Variants in CACNA1A observed in about 807,000 individuals in gnomAD.
The protein encoded by CACNA1A is voltage-dependent P/Q-type calcium channel subunit alpha-1A.
A neutral mutation model predicts 262.4 loss-of-function variants in CACNA1A; 57 were observed. The observed-to-expected ratio is 0.22, with a 90% CI of 0.18 to 0.27. CACNA1A has a LOEUF of 0.27. Ranked by LOEUF, CACNA1A falls within the 10% of genes least tolerant of loss-of-function variation. The pLI is 1.00. For synonymous variants in CACNA1A, 1,431 were observed against 1,419.3 expected (o/e 1.01, Z -0.18); for missense variants, 2,526 against 3,562.8 (o/e 0.71, Z 7.41).
At chr19:13,278,108 T>C (rs1372812537) in intron 22 of CACNA1A, among the ~76,000 whole-genome samples, 4 of 141,866 alleles carry the variant, frequency 2.8e-5, no homozygotes, top group Admixed American at 1.4e-4. Context: ...AAAAATCAGA[T>C]CCACCCAGAA....
rs1054911489 is a variant in CACNA1A, at chr19:13,403,108, C to T, written c.540-31329G>A. Among the ~76,000 whole-genome samples, 23 of 151,630 alleles carry T rather than the reference C, an allele frequency of 1.5e-4. No individual in the cohort carries two copies. The South Asian group carries it at 2.1e-3, about 14-fold the overall frequency. On this transcript the variant is annotated intron_variant, in intron 3 of 46. Coordinates refer to ENST00000360228, the MANE Select transcript of CACNA1A (RefSeq NM_001127222.2). ...ACAGCACTCCCAAATTCCCTTTACC[C>T]GACTTTACTGATTTTCCCACCTGCG...
In CACNA1A at chr19:13,259,655, G is replaced by T. The variant is rs1275025158; in HGVS notation, c.4297C>A (p.Arg1433=). The change falls in exon 27 of 47, where the codon CGG becomes AGG. Residue 1433 remains arginine (R), a synonymous_variant. Coordinates refer to ENST00000360228, the MANE Select transcript of CACNA1A (RefSeq NM_001127222.2). ...TGGAATTCATACTTCTTCCACTCCCGGTCTCGCGCCTTCACCTCATTCTTC... is the reference window on the plus strand; with the variant it reads ...TGGAATTCATACTTCTTCCACTCCCTGTCTCGCGCCTTCACCTCATTCTTC... ...YEKNEVKARD[R]EWKKYEFHYD... is the part of the protein sequence containing the mutation. 1.2e-6 allele frequency: 2 copies of T among 1,610,504 alleles called. No individual in the cohort carries two copies. Among genetic ancestry groups the T allele is most frequent in the African/African-American group, 2.7e-5 (2 of 74,828 alleles).
intron 1 of CACNA1A, among the ~76,000 whole-genome samples, chr19:13,463,689 G>A (rs1163410254): frequency 6.6e-6 from 1 of 152,192 alleles, no homozygotes; most frequent in Non-Finnish European, 1.5e-5. Flanking sequence ...AAAATCAAAT[G>A]AAGAGAAAAT....
intron 3 of CACNA1A, among the ~76,000 whole-genome samples, chr19:13,435,755 G>C (rs1001936325): frequency 6.6e-6 from 1 of 152,112 alleles, no homozygotes; most frequent in African/African-American, 2.4e-5. Context: ...CTGACTGCAG[G>C]GTCCAGCTCC....
At chr19:13,228,887 G>A (rs938607368) in intron 36 of CACNA1A, 18 of 630,816 alleles carry the variant, frequency 2.9e-5, no homozygotes, top group Non-Finnish European at 4.7e-5. Flanking sequence ...AGGCTGGGGT[G>A]TCCCTGGCTT....
At position 13,214,785 on chromosome 19, in the gene CACNA1A, A is replaced by C. The variant is rs2054937685; in HGVS notation, c.5732-177T>G. The C allele has an allele frequency of 1.7e-6, 1 of 599,182 alleles. No individual in the cohort carries two copies. The highest frequency in any genetic ancestry group is 2.8e-5 in the East Asian group (1 of 35,956). 37.1% of individuals were successfully genotyped at this position (599,182 alleles called of 1,614,324 possible). A position where few individuals can be genotyped will look rare whatever the true frequency, so the allele number is the denominator to read the frequency against. ...GGCCCTGGGCAGTGCTGCTGGAATGACCTTGTGGGCTCTGGTTTTCGGTGG... is the reference window on the plus strand; with the variant it reads ...GGCCCTGGGCAGTGCTGCTGGAATGCCCTTGTGGGCTCTGGTTTTCGGTGG... On this transcript the variant is annotated intron_variant, in intron 38 of 46. Transcript: ENST00000360228. The surrounding 1 kb of genome is among the most constrained non-coding windows in gnomAD (Gnocchi z 4.1).
intron 30 of CACNA1A, among the ~76,000 whole-genome samples, chr19:13,251,415 G>C (rs989118387): frequency 3.3e-5 from 5 of 152,084 alleles, no homozygotes; most frequent in African/African-American, 1.2e-4. Flanking sequence ...CCCAGGGGGT[G>C]GAGCTTTCAG....
At chr19:13,477,591 T>G (rs745324703) in intron 1 of CACNA1A, among the ~76,000 whole-genome samples, 1 of 152,134 alleles carries the variant, frequency 6.6e-6, no homozygotes, top group Non-Finnish European at 1.5e-5. Context: ...ACAGCGATCG[T>G]TCCTTATTAT....
Position 13,298,747 on chromosome 19 carries a change from G to A in CACNA1A, c.2886C>T (p.Arg962=), listed in dbSNP as rs1443085599. ...CCTCCGGACCCTCCTCCCCGGGCCTGCGGTGCGCGCGATGACGTCGATGCT... is the reference window on the plus strand; with the variant it reads ...CCTCCGGACCCTCCTCCCCGGGCCTACGGTGCGCGCGATGACGTCGATGCT... ...DGEHRRHRAH[R]RPGEEGPEDK... The change falls in exon 19 of 47, where the codon CGC becomes CGT. Residue 962 remains arginine, a synonymous_variant. Transcript: ENST00000360228. 4 of 1,509,286 alleles carry A rather than the reference G, an allele frequency of 2.7e-6. No homozygotes were observed. The highest frequency in any genetic ancestry group is 2.1e-5 in the Admixed American group (1 of 47,244). The allele number at this position is 1,509,286 out of a possible 1,614,324, so 93.5% of individuals were successfully genotyped here. A position where few individuals can be genotyped will look rare whatever the true frequency, so the allele number is the denominator to read the frequency against.
In CACNA1A at chr19:13,227,368, A is replaced by AG. The variant is rs2055495729; in HGVS notation, c.5625+62dup. On this transcript the variant is annotated intron_variant, in intron 37 of 46. Coordinates refer to ENST00000360228, the MANE Select transcript of CACNA1A (RefSeq NM_001127222.2). ...TGTTTCTGGTCAGCACTAAAAAAAA[A>AG]GAAGAAGAAGAAGAAAAAAAAACCC... 4.5e-4 allele frequency: 29 copies of AG among 64,830 alleles called. No homozygotes were observed. In the South Asian group the frequency reaches 8.0e-3, roughly 18 times the overall value. 4.0% of individuals were successfully genotyped at this position (64,830 alleles called of 1,614,324 possible).
intron 28 of CACNA1A, chr19:13,256,383 G>C (rs2144744104): frequency 6.6e-6 from 1 of 152,326 alleles, no homozygotes; most frequent in Admixed American, 6.5e-5. Flanking sequence ...TAAGTCTTAA[G>C]GGTCAAGGGA....
intron 19 of CACNA1A, among the ~76,000 whole-genome samples, chr19:13,291,108 AC>A (rs2057526272): frequency 6.6e-6 from 1 of 151,854 alleles, no homozygotes; most frequent in Non-Finnish European, 1.5e-5. Context: ...CTGCACCCCT[AC>A]CCCCTTCTCC....
intron 3 of CACNA1A, among the ~76,000 whole-genome samples, chr19:13,406,509 A>ATATATATATATATATATATATGTATG (rs1487889235): frequency 2.7e-5 from 3 of 109,654 alleles, no homozygotes; most frequent in Admixed American, 1.1e-4. Flanking sequence ...ATATATATAT[A>ATATATATATATATATATATATGTATG]TATGAAGGGA....
intron 3 of CACNA1A, among the ~76,000 whole-genome samples, chr19:13,443,518 T>C (rs2060760897): frequency 6.6e-6 from 1 of 151,798 alleles, no homozygotes; most frequent in East Asian, 1.9e-4. Flanking sequence ...ACTGAAAAAA[T>C]AAACTTTTTA....
intron 6 of CACNA1A, among the ~76,000 whole-genome samples, chr19:13,346,283 T>C (rs1837065663): frequency 6.6e-6 from 1 of 152,092 alleles, no homozygotes; most frequent in Non-Finnish European, 1.5e-5. Flanking sequence ...TCTGGGCAGC[T>C]ACATGTCCTC....
intron 22 of CACNA1A, among the ~76,000 whole-genome samples, chr19:13,279,641 C>T (rs946603367): frequency 7.2e-5 from 11 of 151,976 alleles, no homozygotes; most frequent in South Asian, 2.1e-4. Context: ...CATGCTACCA[C>T]GCCCGGCTAA....
intron 3 of CACNA1A, among the ~76,000 whole-genome samples, chr19:13,404,909 T>C (rs1325630158): frequency 6.6e-6 from 1 of 152,140 alleles, no homozygotes; most frequent in African/African-American, 2.4e-5. Context: ...ACTCATATTA[T>C]TATTTGAGAT....
intron 3 of CACNA1A, among the ~76,000 whole-genome samples, chr19:13,413,573 A>T (rs2060155437): frequency 3.3e-5 from 2 of 60,754 alleles, no homozygotes; most frequent in South Asian, 7.7e-4. Flanking sequence ...TCCTGTCTTA[A>T]AAAAAAAAAA....
intron 1 of CACNA1A, among the ~76,000 whole-genome samples, chr19:13,487,099 G>A (rs1413960007): frequency 6.6e-6 from 1 of 152,106 alleles, no homozygotes; most frequent in African/African-American, 2.4e-5. Flanking sequence ...TGGACCTGTG[G>A]GCCGCCTGCC....
Sources: gnomAD v4.1 joint callset for allele counts (sites outside exome capture counted in the v4.1 genomes callset) on GRCh38, gnomAD v4.1.1 for gene constraint, Gnocchi (gnomAD v3.1) non-coding constraint, MANE v1.5 for transcripts, NCBI Gene and HGNC (gene_info 2026-07-23, HGNC 2026-07-21) for gene names.